FAM184B: variants seen among roughly 807,000 people sequenced by gnomAD.
FAM184B encodes family with sequence similarity 184 member B.
Under a neutral mutation model 135.9 loss-of-function variants are expected in FAM184B, and 111 were observed. The ratio of observed to expected loss-of-function variants is 0.82; its 90% confidence interval spans 0.70 to 0.96. The LOEUF is 0.96. Ranked by LOEUF, FAM184B falls within the 40% of genes least tolerant of loss-of-function variation. FAM184B has a pLI of 0.00. For synonymous variants in FAM184B, 552 were observed against 524.8 expected (o/e 1.05, Z -0.71); for missense variants, 1,375 against 1,323.9 (o/e 1.04, Z -0.60).
chr4:17,779,833 C>G (rs1160262818), intron 1 of FAM184B, among the ~76,000 whole-genome samples: 1 of 152,216 alleles, frequency 6.6e-6, no homozygotes, highest in Non-Finnish European at 1.5e-5. Context: ...TATTTCAAAT[C>G]TTGTTTCTTT....
intron 10 of FAM184B, among the ~76,000 whole-genome samples, chr4:17,657,969 T>C (rs896184195): frequency 6.6e-6 from 1 of 152,146 alleles, no homozygotes; most frequent in Non-Finnish European, 1.5e-5. Flanking sequence ...AGCTGTTCTT[T>C]CTCAATTCTG....
intron 1 of FAM184B, among the ~76,000 whole-genome samples, chr4:17,728,481 A>G (rs1313286327): frequency 1.3e-5 from 2 of 152,184 alleles, no homozygotes; most frequent in Non-Finnish European, 2.9e-5. Flanking sequence ...GCTGTGAGTT[A>G]AAGTATGAAC....
chr4:17,767,306 G>C (rs970748861), intron 1 of FAM184B, among the ~76,000 whole-genome samples: 1 of 152,196 alleles, frequency 6.6e-6, no homozygotes, highest in African/African-American at 2.4e-5. Flanking sequence ...AGTGGGCTCC[G>C]AGGCTGACAA....
intron 1 of FAM184B, among the ~76,000 whole-genome samples, chr4:17,720,046 C>T (rs1717483290): frequency 6.6e-6 from 1 of 152,230 alleles, no homozygotes; most frequent in Non-Finnish European, 1.5e-5. Context: ...CAACTCCCAT[C>T]CTTCACATAG....
intron 5 of FAM184B, among the ~76,000 whole-genome samples, chr4:17,697,086 A>G (rs1223947760): frequency 6.6e-6 from 1 of 152,192 alleles, no homozygotes; most frequent in Non-Finnish European, 1.5e-5. Flanking sequence ...GGGAGACTGG[A>G]GGCAGGGAAA....
rs1553841420 is a variant in FAM184B at position 17,739,555 on chromosome 4, G to GTTTTGTTTTTTTTT, written c.142-29912_142-29911insAAAAAAAAACAAAA. Among the ~76,000 whole-genome samples the GTTTTGTTTTTTTTT allele has an allele frequency of 3.2e-5, 2 of 62,510 alleles. 1 individual carries two copies. Among genetic ancestry groups the GTTTTGTTTTTTTTT allele is most frequent in the Non-Finnish European group, 5.5e-5 (2 of 36,468 alleles). The allele number at this position is 62,510 out of a possible 152,430, so 41.0% of individuals were successfully genotyped here. A position where few individuals can be genotyped will look rare whatever the true frequency, so the allele number is the denominator to read the frequency against. ...CCCTACACCATATGTCATACCAACT[G>GTTTTGTTTTTTTTT]TTTTTTTTTTTTTTTTGAGATGGGG... is the stretch of plus-strand genomic sequence containing the variant. On this transcript the variant is annotated intron_variant, in intron 1 of 17. Transcript: ENST00000265018.
chr4:17,720,346 C>G (rs1717492479), intron 1 of FAM184B, among the ~76,000 whole-genome samples: 1 of 152,178 alleles, frequency 6.6e-6, no homozygotes, highest in Non-Finnish European at 1.5e-5. Context: ...TCCTTTCTTT[C>G]AATTGCTAAC....
chr4:17,733,068 A>T (rs1482525486), intron 1 of FAM184B, among the ~76,000 whole-genome samples: 3 of 152,224 alleles, frequency 2.0e-5, no homozygotes, highest in African/African-American at 7.2e-5. Flanking sequence ...GCATATAAAC[A>T]GAACCAAAGA....
rs78190004 is a variant in FAM184B, at chr4:17,741,847, T to C, written c.142-32203A>G. ...CTATGAAGTATCTAAAATAGTGTGTTTATATAATTAAAGAGTGGAATGGTG... is the reference window on the plus strand; with the variant it reads ...CTATGAAGTATCTAAAATAGTGTGTCTATATAATTAAAGAGTGGAATGGTG... On this transcript the variant is annotated intron_variant, in intron 1 of 17. Coordinates refer to ENST00000265018, the MANE Select transcript of FAM184B (RefSeq NM_015688.2). Among the ~76,000 whole-genome samples, 795 of 152,226 alleles carry C rather than the reference T, an allele frequency of 5.2e-3. 9 individuals are homozygous for C. The highest frequency in any genetic ancestry group is 0.018 in the African/African-American group (752 of 41,528).
chr4:17,651,282 A>G (rs1043180854), intron 11 of FAM184B, among the ~76,000 whole-genome samples: 18 of 152,254 alleles, frequency 1.2e-4, no homozygotes, highest in Admixed American at 1.0e-3. Context: ...TCACGCCTGT[A>G]ATCCCAGCAC....
chr4:17,765,452 A>T (rs1025033493), intron 1 of FAM184B, among the ~76,000 whole-genome samples: 1 of 152,160 alleles, frequency 6.6e-6, no homozygotes, highest in African/African-American at 2.4e-5. Context: ...ACAAACTGGG[A>T]TCAACAAAGG....
chr4:17,704,694 A>G (rs1177264259), intron 5 of FAM184B, among the ~76,000 whole-genome samples: 1 of 152,160 alleles, frequency 6.6e-6, no homozygotes, highest in Non-Finnish European at 1.5e-5. Flanking sequence ...GAGTAAGTAG[A>G]GTTGAATTTC....
intron 5 of FAM184B, among the ~76,000 whole-genome samples, chr4:17,699,618 C>T (rs1716940032): frequency 6.6e-6 from 1 of 151,792 alleles, no homozygotes; most frequent in African/African-American, 2.4e-5. Flanking sequence ...AAATATCCAA[C>T]AAAAATGAAG....
At chr4:17,721,069 G>A (rs1192415288) in intron 1 of FAM184B, among the ~76,000 whole-genome samples, 1 of 151,502 alleles carries the variant, frequency 6.6e-6, no homozygotes, top group Non-Finnish European at 1.5e-5. Flanking sequence ...TCATGGAAAG[G>A]ACCCTAATAT....
chr4:17,704,434 C>A (rs1320208606), intron 5 of FAM184B, among the ~76,000 whole-genome samples: 1 of 152,182 alleles, frequency 6.6e-6, no homozygotes, highest in African/African-American at 2.4e-5. Flanking sequence ...CTGCTGCCCA[C>A]GTGTCCTAGG....
intron 7 of FAM184B, among the ~76,000 whole-genome samples, chr4:17,677,637 TAGAG>T (rs1396743096): frequency 6.6e-6 from 1 of 151,994 alleles, no homozygotes; most frequent in African/African-American, 2.4e-5. Flanking sequence ...ATCTACAAGA[TAGAG>T]AAAGAGGGAA....
At chr4:17,662,201 T>C (rs943917802) in intron 8 of FAM184B, among the ~76,000 whole-genome samples, 2 of 152,234 alleles carry the variant, frequency 1.3e-5, no homozygotes, top group African/African-American at 4.8e-5. Context: ...TGCTGTGTAG[T>C]ATTCCATTAC....
At position 17,705,750 on chromosome 4, in the gene FAM184B, A is replaced by G; in HGVS notation, c.1170+2T>C. The G allele has an allele frequency of 1.3e-6, 2 of 1,551,704 alleles. No homozygotes were observed. The highest frequency in any genetic ancestry group is 1.2e-5 in the South Asian group (1 of 84,058). On this transcript the variant is annotated splice_donor_variant, in intron 4 of 17. Transcript: ENST00000265018. LOFTEE classifies it high-confidence loss of function. ...CATCCCCAGGGCTGGGTCAGACACTACCTGCATATCTGTGCCTCCTTTCAT... is the reference window on the plus strand; with the variant it reads ...CATCCCCAGGGCTGGGTCAGACACTGCCTGCATATCTGTGCCTCCTTTCAT...
At chr4:17,723,973 C>T (rs1239788473) in intron 1 of FAM184B, among the ~76,000 whole-genome samples, 1 of 152,154 alleles carries the variant, frequency 6.6e-6, no homozygotes, top group African/African-American at 2.4e-5. Context: ...CTCTCTTAAA[C>T]AAGGTACAAT....
Sources: gnomAD v4.1 joint callset for allele counts (sites outside exome capture counted in the v4.1 genomes callset) on GRCh38, gnomAD v4.1.1 for gene constraint, MANE v1.5 for transcripts, NCBI Gene and HGNC (gene_info 2026-07-23, HGNC 2026-07-21) for gene names.